Variants in NRXN3 observed in about 807,000 individuals in gnomAD.
NRXN3 encodes neurexin 3, also known as neurexin III.
A neutral mutation model predicts 137.6 loss-of-function variants in NRXN3; 32 were observed. The ratio of observed to expected loss-of-function variants is 0.23; its 90% CI spans 0.18 to 0.31. NRXN3 has a LOEUF of 0.31. Among genes scored for constraint, NRXN3 ranks in the 10% least tolerant of loss-of-function variants. The pLI, the probability that NRXN3 is intolerant of heterozygous loss-of-function variation, is 1.00. For missense variants in NRXN3, 1,574 were observed against 2,062.5 expected (o/e 0.76, Z 4.59); for synonymous variants, 798 against 784.5 (o/e 1.02, Z -0.29).
intron 15 of NRXN3, among the ~76,000 whole-genome samples, chr14:79,190,275 T>C (rs8014121): frequency 0.26 from 40,205 of 152,066 alleles, 6,198 homozygotes; most frequent in Non-Finnish European, 0.36. Flanking sequence ...CAGGTCTTTC[T>C]CATTTAACTG....
intron 6 of NRXN3, among the ~76,000 whole-genome samples, chr14:78,705,746 G>T (rs1165708766): frequency 6.6e-6 from 1 of 152,256 alleles, no homozygotes; most frequent in East Asian, 1.9e-4. Flanking sequence ...GACTCAGAAG[G>T]GTTATTCAGC....
At chr14:79,170,620 G>T (rs1473192637) in intron 15 of NRXN3, among the ~76,000 whole-genome samples, 2 of 151,680 alleles carry the variant, frequency 1.3e-5, no homozygotes, top group Non-Finnish European at 1.5e-5. Flanking sequence ...ACTTTTTTTT[G>T]TTGTTGTTGG....
intron 16 of NRXN3, among the ~76,000 whole-genome samples, chr14:79,471,458 C>T (rs1378596171): frequency 1.3e-5 from 2 of 152,178 alleles, no homozygotes; most frequent in Non-Finnish European, 2.9e-5. Context: ...CCAATTTTCC[C>T]ATTTCTTTTC....
intron 4 of NRXN3, among the ~76,000 whole-genome samples, chr14:78,566,519 G>A (rs999756965): frequency 1.3e-5 from 2 of 152,136 alleles, no homozygotes; most frequent in African/African-American, 4.8e-5. Context: ...CTTCCAAGCT[G>A]GCGGTGCTGG....
At chr14:78,974,276 A>G (rs1380997087) in intron 14 of NRXN3, among the ~76,000 whole-genome samples, 1 of 152,332 alleles carries the variant, frequency 6.6e-6, no homozygotes, top group African/African-American at 2.4e-5. Context: ...ATCCAAGGAG[A>G]TTGAAGCTCC....
intron 1 of NRXN3, among the ~76,000 whole-genome samples, chr14:78,228,043 G>T (rs1346620028): frequency 6.6e-6 from 1 of 152,082 alleles, no homozygotes; most frequent in Non-Finnish European, 1.5e-5. Context: ...GCTCAGTGAT[G>T]TTAAATTGCC....
At chr14:78,672,681 C>T (rs1275607611) in intron 6 of NRXN3, among the ~76,000 whole-genome samples, 4 of 152,058 alleles carry the variant, frequency 2.6e-5, no homozygotes, top group Non-Finnish European at 5.9e-5. Context: ...CATAACATAC[C>T]GATATATAAA....
intron 16 of NRXN3, among the ~76,000 whole-genome samples, chr14:79,578,089 T>C (rs2097681964): frequency 6.6e-6 from 1 of 152,162 alleles, no homozygotes; most frequent in South Asian, 2.1e-4. Context: ...AGTTCAGGGG[T>C]TTCTCCAAAT....
At chr14:79,452,904 A>G (rs1473301219) in intron 15 of NRXN3, among the ~76,000 whole-genome samples, 1 of 152,222 alleles carries the variant, frequency 6.6e-6, no homozygotes, top group African/African-American at 2.4e-5. Flanking sequence ...TTTTAAAAGT[A>G]TAAACTAATT....
intron 16 of NRXN3, among the ~76,000 whole-genome samples, chr14:79,474,949 T>C (rs796471034): frequency 3.9e-5 from 6 of 152,196 alleles, no homozygotes; most frequent in African/African-American, 1.2e-4. Flanking sequence ...AAAACCTTTC[T>C]AGATAGGCCT....
chr14:79,366,017 A>T (rs1053068582), intron 15 of NRXN3, among the ~76,000 whole-genome samples: 2 of 152,114 alleles, frequency 1.3e-5, no homozygotes, highest in Non-Finnish European at 2.9e-5. Flanking sequence ...ATTCAAGATG[A>T]ACCATGCAAG....
chr14:79,280,237 C>G, intron 15 of NRXN3: 1 of 1,604,444 alleles, frequency 6.2e-7, no homozygotes, highest in South Asian at 1.1e-5. Context: ...AACTTCATTA[C>G]TCCTCACTGG....
chr14:79,213,157 CCT>C (rs1015970443), intron 15 of NRXN3, among the ~76,000 whole-genome samples: 2 of 151,914 alleles, frequency 1.3e-5, no homozygotes, highest in African/African-American at 2.4e-5. Flanking sequence ...CCATTTTTCC[CCT>C]GTCTTTAGAA....
At chr14:78,253,589 C>T (rs1023565399) in intron 2 of NRXN3, among the ~76,000 whole-genome samples, 12 of 151,926 alleles carry the variant, frequency 7.9e-5, no homozygotes, top group African/African-American at 2.7e-4. Flanking sequence ...GTGGGAGGAT[C>T]GCTTGAACCC....
At chr14:78,225,952 G>GGTGTGTGTGTGTGTGT in intron 1 of NRXN3, among the ~76,000 whole-genome samples, 1 of 124,768 alleles carries the variant, frequency 8.0e-6, no homozygotes, top group Non-Finnish European at 1.6e-5. Context: ...GTGTTTTTTT[G>GGTGTGTGTGTGTGTGT]GTGTGTGTGT....
chr14:79,451,061 G>A (rs759973513), intron 15 of NRXN3, among the ~76,000 whole-genome samples: 9 of 151,832 alleles, frequency 5.9e-5, no homozygotes, highest in Non-Finnish European at 7.4e-5. Flanking sequence ...CAGGGCCTCA[G>A]GATTTGCATC....
intron 19 of NRXN3, among the ~76,000 whole-genome samples, chr14:79,749,000 A>AT (rs1277190119): frequency 1.3e-5 from 2 of 151,722 alleles, no homozygotes; most frequent in Admixed American, 6.6e-5. Context: ...AGCTGATGGT[A>AT]TTTTTTTTAA....
At chr14:78,192,164 A>T (rs773553436) in intron 1 of NRXN3, among the ~76,000 whole-genome samples, 24 of 151,850 alleles carry the variant, frequency 1.6e-4, no homozygotes, top group African/African-American at 4.4e-4. Flanking sequence ...TGTTGTCAGG[A>T]TATTGTTACA....
intron 15 of NRXN3, among the ~76,000 whole-genome samples, chr14:79,409,171 CA>C (rs931441949): frequency 9.2e-5 from 14 of 151,820 alleles, no homozygotes; most frequent in African/African-American, 3.4e-4. Flanking sequence ...CTTGCTAAGG[CA>C]AGATAACACA....
Sources: gnomAD v4.1 joint callset for allele counts (sites outside exome capture counted in the v4.1 genomes callset) on GRCh38, gnomAD v4.1.1 for gene constraint, MANE v1.5 for transcripts, NCBI Gene and HGNC (gene_info 2026-07-23, HGNC 2026-07-21) for gene names.